NIN: variants seen among roughly 807,000 people sequenced by gnomAD.
The protein encoded by NIN is glycogen synthase kinase 3 beta-interacting protein.
NIN carries 137 observed loss-of-function variants against 257.6 expected under a neutral mutation model. That is an observed-to-expected ratio of 0.53 (90% CI 0.46 to 0.61). NIN has a LOEUF of 0.61. NIN is among the 20% of genes least tolerant of loss of function. The pLI, the probability that NIN is intolerant of heterozygous loss-of-function variation, is 0.00. For synonymous variants in NIN, 918 were observed against 919.8 expected (o/e 1.00, Z 0.04); for missense variants, 2,439 against 2,501.2 (o/e 0.98, Z 0.53).
At chr14:50,777,290 T>C (rs531942807) in intron 6 of NIN, 151 bp from the exon 7 acceptor site, 3 of 656,628 alleles carry the variant, frequency 4.6e-6, no homozygotes, top group African/African-American at 1.8e-5. Flanking sequence ...GAAGCTCCCA[T>C]GAAACAGAAT....
chr14:50,818,310 G>A (rs1385373291), intron 3 of NIN, among the ~76,000 whole-genome samples: 1 of 90,440 alleles, frequency 1.1e-5, no homozygotes. Context: ...GCGACGGCGA[G>A]ACTCTGTCAA....
At chr14:50,785,930 G>A (rs377092347) in intron 5 of NIN, among the ~76,000 whole-genome samples, 1 of 152,204 alleles carries the variant, frequency 6.6e-6, no homozygotes, top group Non-Finnish European at 1.5e-5. Context: ...AAGCTCCTAA[G>A]GCCAGGGTTG....
chr14:50,826,875 C>T (rs997228897), intron 2 of NIN, among the ~76,000 whole-genome samples: 4 of 152,230 alleles, frequency 2.6e-5, no homozygotes, highest in Non-Finnish European at 5.9e-5. Context: ...CAGCTGCTTT[C>T]CTTGAGAGGG....
chr14:50,728,247 T>C (rs1251432193), intron 29 of NIN, among the ~76,000 whole-genome samples: 1 of 152,194 alleles, frequency 6.6e-6, no homozygotes, highest in African/African-American at 2.4e-5. Flanking sequence ...CAAAGTTTTG[T>C]AGTTCAATTA....
At chr14:50,823,210 T>C (rs762496630) in intron 2 of NIN, 16 of 572,586 alleles carry the variant, frequency 2.8e-5, no homozygotes, top group Non-Finnish European at 4.9e-5. Context: ...GATTTTCCGA[T>C]GAAAGCCTGA....
At chr14:50,760,653 CAACTGTA>C (rs1436087759) in intron 16 of NIN, among the ~76,000 whole-genome samples, 4 of 151,996 alleles carry the variant, frequency 2.6e-5, no homozygotes, top group Admixed American at 1.3e-4. Flanking sequence ...GCATCCTTTC[CAACTGTA>C]AACTTGAGTC....
In NIN at chr14:50,721,360, TAC is replaced by T. The variant is rs573996706; in HGVS notation, c.*2101_*2102del. 3.5e-4 allele frequency: 73 copies of T among 209,992 alleles called. No individual in the cohort carries two copies. The highest frequency in any genetic ancestry group is 8.9e-4 in the Admixed American group (15 of 16,926). The allele number at this position is 209,992 out of a possible 1,614,324, so 13.0% of individuals were successfully genotyped here. A position where few individuals can be genotyped will look rare whatever the true frequency, so the allele number is the denominator to read the frequency against. ...TTTATAGGAAATAAACAAATTAACC[TAC>T]ACCTCTCATACTGTAAAAGACAAAA... is the stretch of plus-strand genomic sequence containing the variant. On this transcript the variant is annotated 3_prime_UTR_variant, in exon 31 of 31. Coordinates refer to ENST00000530997, the MANE Select transcript of NIN (RefSeq NM_020921.4).
In NIN at chr14:50,758,238, C is replaced by G. The variant is rs1447668294; in HGVS notation, c.2792G>C (p.Ser931Thr). Reference sequence around the variant, plus strand: ...CTCAAGTATCTGGTCAGACAGCAGGCTTTGCTGGGTTTCAGATACATTTCT... The same window carrying G: ...CTCAAGTATCTGGTCAGACAGCAGGGTTTGCTGGGTTTCAGATACATTTCT... ...DLRNVSETQQ[S>T]LLSDQILELK... The change falls in exon 18 of 31, where the codon AGC becomes ACC. Residue 931 changes from serine (S) to threonine (T), a missense_variant. Physicochemically the swap from Ser to Thr is moderately conservative, Grantham distance 58. Around this residue, in one of 3 missense-constraint regions of NIN, gnomAD observed 2,043 missense variants for 2,050.2 expected, o/e 1.00. Coordinates refer to ENST00000530997, the MANE Select transcript of NIN (RefSeq NM_020921.4). 2 of 1,614,172 alleles carry G rather than the reference C, an allele frequency of 1.2e-6. No homozygotes were observed. The highest frequency in any genetic ancestry group is 1.1e-5 in the South Asian group (1 of 91,076).
intron 3 of NIN, among the ~76,000 whole-genome samples, chr14:50,810,506 C>T (rs934404597): frequency 6.6e-6 from 1 of 152,006 alleles, no homozygotes; most frequent in Non-Finnish European, 1.5e-5. Context: ...AGCCTGATAA[C>T]ACAGCAAGAC....
chr14:50,813,154 T>G (rs939353903), intron 3 of NIN, among the ~76,000 whole-genome samples: 5 of 152,244 alleles, frequency 3.3e-5, no homozygotes, highest in Admixed American at 3.3e-4. Flanking sequence ...CCCCCACCGG[T>G]GGGCTAACTA....
chr14:50,754,873 GC>G lies in NIN; in HGVS notation c.4539-7del. The G allele has an allele frequency of 6.5e-7, 1 of 1,539,390 alleles. No homozygotes were observed. Among genetic ancestry groups the G allele is most frequent in the Non-Finnish European group, 8.7e-7 (1 of 1,145,968 alleles). The stretch of plus-strand genomic sequence containing the variant: ...GAAGCTTTTCAGATTCATATCTGAA[GC>G]ACAGAGATTGAAAAAAATTGTTACA... On this transcript the variant is annotated splice_polypyrimidine_tract_variant and splice_region_variant and intron_variant, in intron 18 of 30. Transcript: ENST00000530997.
In NIN at chr14:50,778,868, T is replaced by C. The variant is rs1191237438; in HGVS notation, c.436-64A>G. The C allele has an allele frequency of 4.6e-6, 7 of 1,538,142 alleles. No homozygotes were observed. The African/African-American group carries it at 8.2e-5, about 18-fold the overall frequency. On this transcript the variant is annotated intron_variant, in intron 5 of 30. Transcript: ENST00000530997. Reference sequence around the variant, plus strand: ...TATTCAGAAAGAACTATCCTAGCTTTTCCTAGAGCAGATCACTCTCTGGCT... The same window carrying C: ...TATTCAGAAAGAACTATCCTAGCTTCTCCTAGAGCAGATCACTCTCTGGCT...
chr14:50,812,545 G>A (rs1210256950), intron 3 of NIN, among the ~76,000 whole-genome samples: 1 of 152,210 alleles, frequency 6.6e-6, no homozygotes. Flanking sequence ...TCCAGAAAGT[G>A]GAAGGGTGGA....
Position 50,754,544 on chromosome 14 carries a change from A to G in NIN, c.4734+19T>C, listed in dbSNP as rs2041938406. ...TTTTGGAATCAAAAAACATTGAGAA[A>G]TATTAAGTATTTCCTTACCTGTTTC... On this transcript the variant is annotated intron_variant, in intron 20 of 30. Coordinates refer to ENST00000530997, the MANE Select transcript of NIN (RefSeq NM_020921.4). The G allele has an allele frequency of 6.3e-7, 1 of 1,576,828 alleles. No individual in the cohort carries two copies. Among genetic ancestry groups the G allele is most frequent in the East Asian group, 2.2e-5 (1 of 44,556 alleles).
intron 13 of NIN, 112 bp downstream of exon 13, chr14:50,766,668 G>T: frequency 2.7e-6 from 2 of 733,960 alleles, no homozygotes; most frequent in South Asian, 3.4e-5. Flanking sequence ...GCACCATTTA[G>T]CTACCCCAGT....
At position 50,733,497 on chromosome 14, in the gene NIN, C is replaced by A. The variant is rs74774339; in HGVS notation, c.5877+2019G>T. On this transcript the variant is annotated intron_variant, in intron 28 of 30. Transcript: ENST00000530997. ...AATCCATGCTTTTTCCTTAGCTGTT[C>A]GGCTCCAGTGTCAAGAACACTCAAT... Among the ~76,000 whole-genome samples the A allele has an allele frequency of 7.5e-3, 1,135 of 152,278 alleles. 12 individuals carry two copies. The highest frequency in any genetic ancestry group is 0.014 in the Non-Finnish European group (919 of 68,016).
chr14:50,747,525 G>A (rs1303857872), intron 22 of NIN, among the ~76,000 whole-genome samples: 1 of 152,100 alleles, frequency 6.6e-6, no homozygotes, highest in East Asian at 1.9e-4. Flanking sequence ...CTTGAACCCA[G>A]GAATTCAAGA....
chr14:50,769,746 C>G (rs1048431305), intron 12 of NIN, among the ~76,000 whole-genome samples: 2 of 152,098 alleles, frequency 1.3e-5, no homozygotes, highest in Admixed American at 6.5e-5. Flanking sequence ...AAGTGATATG[C>G]CTGCCTCGGC....
chr14:50,757,501 C>T lies in NIN; in HGVS notation c.3529G>A (p.Val1177Ile), dbSNP rs371007463. The T allele has an allele frequency of 6.2e-7, 1 of 1,614,120 alleles. No homozygotes were observed. The highest frequency in any genetic ancestry group is 8.5e-7 in the Non-Finnish European group (1 of 1,180,006). ...TTTTCAAGCTCAGAAAAACCCTCTA[C>T]TGAAGCTTCAGACTCCTCTATTTTG... ...EVKIEESEAS[V>I]EGFSELENSE... The change falls in exon 18 of 31, where the codon GTA becomes ATA. Residue 1177 changes from valine to isoleucine, a missense_variant. Val to Ile is a conservative substitution (Grantham distance 29). This residue lies in a region of NIN where 2,043 missense variants were observed against 2,050.2 expected (regional missense o/e 1.00). Transcript: ENST00000530997.
Sources: allele counts gnomAD v4.1 joint callset (sites outside exome capture counted in the v4.1 genomes callset), GRCh38; gene constraint gnomAD v4.1.1; regional missense constraint gnomAD v4.1.1; transcripts MANE v1.5; gene names NCBI Gene and HGNC (gene_info 2026-07-23, HGNC 2026-07-21).